RGS7: variants seen among roughly 807,000 people sequenced by gnomAD.
RGS7 encodes the protein regulator of G protein signaling 7.
A neutral mutation model predicts 81.1 loss-of-function variants in RGS7; 27 were observed. The observed-to-expected ratio is 0.33, with a 90% CI of 0.25 to 0.46. RGS7 has a LOEUF of 0.46. Ranked by LOEUF, RGS7 falls within the 20% of genes least tolerant of loss-of-function variation. RGS7 has a pLI of 1.00. For missense variants in RGS7, 396 were observed against 607.4 expected, an observed-to-expected ratio of 0.65 and a Z score of 3.66; for synonymous variants, 208 against 207.7, an observed-to-expected ratio of 1.00 and a Z score of -0.01.
chr1:240,905,330 C>G (rs1670649241), intron 6 of RGS7, among the ~76,000 whole-genome samples: 1 of 152,106 alleles, frequency 6.6e-6, no homozygotes, highest in Admixed American at 6.6e-5. Context: ...TAAAAGAACC[C>G]TTGTTACCAA....
chr1:241,248,495 T>G (rs1376400047), intron 2 of RGS7, among the ~76,000 whole-genome samples: 2 of 151,282 alleles, frequency 1.3e-5, no homozygotes, highest in East Asian at 3.9e-4. Flanking sequence ...TTGATATGAC[T>G]GTGGTTCAGT....
At chr1:240,797,875 A>G (rs1345954232) in intron 18 of RGS7, among the ~76,000 whole-genome samples, 1 of 152,210 alleles carries the variant, frequency 6.6e-6, no homozygotes, top group Admixed American at 6.5e-5. Context: ...AGTAAACAAG[A>G]CATGAAAAGG....
chr1:240,782,879 A>T (rs1684369451), intron 18 of RGS7, among the ~76,000 whole-genome samples: 3 of 152,228 alleles, frequency 2.0e-5, no homozygotes, highest in Non-Finnish European at 4.4e-5. Context: ...CATATGTGTT[A>T]TGTGATTTAA....
intron 3 of RGS7, among the ~76,000 whole-genome samples, chr1:241,085,585 C>T (rs924140277): frequency 2.8e-5 from 4 of 143,480 alleles, no homozygotes; most frequent in Non-Finnish European, 4.5e-5. Flanking sequence ...CCATCATGCC[C>T]GGCTAATTTT....
chr1:240,854,924 TCTGA>T (rs1660793752), intron 9 of RGS7, among the ~76,000 whole-genome samples: 2 of 152,168 alleles, frequency 1.3e-5, no homozygotes, highest in Non-Finnish European at 2.9e-5. Flanking sequence ...CTCTGTGTGT[TCTGA>T]CTATTTCCAG....
At chr1:241,222,544 G>T (rs1377347411) in intron 2 of RGS7, among the ~76,000 whole-genome samples, 1 of 152,114 alleles carries the variant, frequency 6.6e-6, no homozygotes, top group Non-Finnish European at 1.5e-5. Flanking sequence ...TGATTTTCTG[G>T]CCTCAAAGCA....
chr1:240,995,887 G>C (rs1687211491), intron 3 of RGS7, among the ~76,000 whole-genome samples: 1 of 151,794 alleles, frequency 6.6e-6, no homozygotes, highest in East Asian at 1.9e-4. Context: ...CTATGTTCTA[G>C]AGTTTGGAGT....
intron 6 of RGS7, among the ~76,000 whole-genome samples, chr1:240,913,814 TTA>T (rs1418573227): frequency 6.6e-6 from 1 of 152,086 alleles, no homozygotes; most frequent in Non-Finnish European, 1.5e-5. Flanking sequence ...GAACAAACTG[TTA>T]TCTGTTAAAT....
chr1:240,982,155 T>C (rs917594492), intron 4 of RGS7, among the ~76,000 whole-genome samples: 4 of 144,076 alleles, frequency 2.8e-5, no homozygotes, highest in Non-Finnish European at 6.1e-5. Context: ...GCATGGTGGC[T>C]CACATCTGTA....
intron 6 of RGS7, among the ~76,000 whole-genome samples, chr1:240,876,519 C>T (rs1267181176): frequency 3.3e-5 from 5 of 152,096 alleles, no homozygotes; most frequent in Non-Finnish European, 2.9e-5. Flanking sequence ...TTACAGAAAC[C>T]ATTTTCCACT....
intron 3 of RGS7, among the ~76,000 whole-genome samples, chr1:241,078,826 A>G (rs190952346): frequency 6.6e-6 from 1 of 152,272 alleles, no homozygotes; most frequent in African/African-American, 2.4e-5. Flanking sequence ...ACAATCATAT[A>G]TGCATCAGAG....
At chr1:241,138,598 A>T (rs1036664736) in intron 2 of RGS7, among the ~76,000 whole-genome samples, 1 of 152,186 alleles carries the variant, frequency 6.6e-6, no homozygotes, top group Non-Finnish European at 1.5e-5. Flanking sequence ...ATGGATACTT[A>T]AGAGTTTGAG....
intron 18 of RGS7, among the ~76,000 whole-genome samples, chr1:240,783,196 G>A (rs1030806181): frequency 6.6e-6 from 1 of 152,122 alleles, no homozygotes; most frequent in Non-Finnish European, 1.5e-5. Context: ...ATTCCTTTCT[G>A]TCCTAAATGG....
Position 241,342,140 on chromosome 1 carries a change from CTGGGATT to C in RGS7, c.78+13552_78+13558del, listed in dbSNP as rs1396612940. Among the ~76,000 whole-genome samples the C allele has an allele frequency of 7.2e-5, 11 of 152,208 alleles. No individual in the cohort carries two copies. In the East Asian group the frequency reaches 2.1e-3, roughly 29 times the overall value. ...CTGTCCACCTCAGCCTTCCAAAGTG[CTGGGATT>C]ACAGGCATGAACCACCACACCTGGT... is the stretch of plus-strand genomic sequence containing the variant. On this transcript the variant is annotated intron_variant, in intron 2 of 18. Coordinates refer to ENST00000440928, the MANE Select transcript of RGS7 (RefSeq NM_001364886.1).
chr1:241,156,622 C>T (rs2069177630), intron 2 of RGS7, among the ~76,000 whole-genome samples: 1 of 150,874 alleles, frequency 6.6e-6, no homozygotes, highest in African/African-American at 2.4e-5. Context: ...GAGGGGAAAT[C>T]CCTTCACCGA....
intron 9 of RGS7, among the ~76,000 whole-genome samples, chr1:240,841,248 T>TGAGA (rs1657926299): frequency 6.6e-6 from 1 of 152,202 alleles, no homozygotes; most frequent in Non-Finnish European, 1.5e-5. Flanking sequence ...AAGCCTCAGT[T>TGAGA]TTAGAGAAGT....
chr1:241,194,980 G>A (rs941454551), intron 2 of RGS7, among the ~76,000 whole-genome samples: 9 of 152,114 alleles, frequency 5.9e-5, no homozygotes, highest in African/African-American at 2.2e-4. Context: ...ACAGAAAATA[G>A]AACAAGCCTT....
At chr1:240,889,647 A>G (rs1257107722) in intron 6 of RGS7, among the ~76,000 whole-genome samples, 1 of 152,196 alleles carries the variant, frequency 6.6e-6, no homozygotes, top group Non-Finnish European at 1.5e-5. Context: ...AATCGTGGTA[A>G]TGATACAATA....
At chr1:241,152,723 G>A (rs893807974) in intron 2 of RGS7, among the ~76,000 whole-genome samples, 10 of 152,164 alleles carry the variant, frequency 6.6e-5, no homozygotes, top group Non-Finnish European at 1.3e-4. Context: ...CGCTTCTGCC[G>A]AGCATTTCGT....
Sources: allele counts gnomAD v4.1 joint callset (sites outside exome capture counted in the v4.1 genomes callset), GRCh38; gene constraint gnomAD v4.1.1; transcripts MANE v1.5; gene names NCBI Gene and HGNC (gene_info 2026-07-23, HGNC 2026-07-21).